TASP1: variants seen among roughly 807,000 people sequenced by gnomAD.
The protein encoded by TASP1 is threonine aspartase 1.
TASP1 carries 16 observed loss-of-function variants against 56.6 expected under a neutral mutation model. The observed-to-expected ratio is 0.28, with a 90% confidence interval of 0.19 to 0.43. The LOEUF is 0.43. Among genes scored for constraint, TASP1 ranks in the 20% least tolerant of loss-of-function variants. TASP1 has a pLI of 1.00. For synonymous variants in TASP1, 179 were observed against 184.2 expected (o/e 0.97, Z 0.23); for missense variants, 393 against 511.6 (o/e 0.77, Z 2.24).
intron 10 of TASP1, among the ~76,000 whole-genome samples, chr20:13,519,274 T>C (rs979617643): frequency 6.6e-6 from 1 of 152,068 alleles, no homozygotes; most frequent in Admixed American, 6.6e-5. Flanking sequence ...ACAACCTCAG[T>C]ATCATGCGAT....
chr20:13,153,710 A>G, the TASP1 span, among the ~76,000 whole-genome samples: 1 of 152,130 alleles, frequency 6.6e-6, no homozygotes, highest in South Asian at 2.1e-4. Context: ...CAGAGTCTAT[A>G]CAAAATAGAT....
the TASP1 span, among the ~76,000 whole-genome samples, chr20:13,341,467 C>T: frequency 9.2e-5 from 14 of 152,144 alleles, no homozygotes; most frequent in African/African-American, 3.1e-4. Context: ...CCCTCTTTTC[C>T]GTAACATGAG....
intron 5 of TASP1, among the ~76,000 whole-genome samples, chr20:13,586,832 T>C (rs149544323): frequency 6.6e-6 from 1 of 151,260 alleles, no homozygotes; most frequent in African/African-American, 2.5e-5. Flanking sequence ...AAAATAAAAC[T>C]GTGTTTCTGT....
intron 11 of TASP1, among the ~76,000 whole-genome samples, chr20:13,438,019 C>A (rs1438391189): frequency 6.6e-6 from 1 of 151,888 alleles, no homozygotes; most frequent in Non-Finnish European, 1.5e-5. Flanking sequence ...CTTTAAAGTT[C>A]ATATGGAACC....
chr20:13,271,040 A>T, the TASP1 span, among the ~76,000 whole-genome samples: 1 of 152,264 alleles, frequency 6.6e-6, no homozygotes. Flanking sequence ...GAAATATAAA[A>T]GCAAAACAAA....
chr20:13,352,829 C>T, the TASP1 span, among the ~76,000 whole-genome samples: 4 of 152,362 alleles, frequency 2.6e-5, no homozygotes, highest in South Asian at 4.1e-4. Context: ...CATCTCACCA[C>T]TCTCTATATC....
the TASP1 span, chr20:13,279,537 A>G: frequency 1.9e-5 from 23 of 1,231,648 alleles, no homozygotes; most frequent in Non-Finnish European, 2.5e-5. Context: ...GGATGCATCC[A>G]TCATTTCCCT....
At chr20:13,596,519 C>A (rs1201619190) in intron 4 of TASP1, among the ~76,000 whole-genome samples, 2 of 152,120 alleles carry the variant, frequency 1.3e-5, no homozygotes, top group Non-Finnish European at 2.9e-5. Context: ...ATCTCTGGGA[C>A]ACATTTAAAG....
chr20:13,463,304 G>A (rs2044126149), intron 11 of TASP1, among the ~76,000 whole-genome samples: 1 of 152,092 alleles, frequency 6.6e-6, no homozygotes, highest in Admixed American at 6.6e-5. Flanking sequence ...AGGAAAAGTG[G>A]ATATCCACAT....
chr20:13,178,862 C>T, the TASP1 span, among the ~76,000 whole-genome samples: 1 of 151,866 alleles, frequency 6.6e-6, no homozygotes, highest in East Asian at 1.9e-4. Context: ...GTGTTCTATA[C>T]CACTGTAGGA....
At chr20:13,262,713 A>G in the TASP1 span, among the ~76,000 whole-genome samples, 1 of 152,184 alleles carries the variant, frequency 6.6e-6, no homozygotes, top group African/African-American at 2.4e-5. Context: ...AGTATTCAAG[A>G]CACACCAGTG....
rs374787489 is a variant in TASP1, at chr20:13,604,930, A to G, written c.283-17560T>C. 1.9e-4 allele frequency among the ~76,000 whole-genome samples: 29 copies of G among 151,486 alleles called. No homozygotes were observed. The South Asian group carries it at 5.8e-3, about 30-fold the overall frequency. ...TCTATTCCTAAGAATTTTATCTGTG[A>G]GAAATGAAAGCATATGTTCACATAA... On this transcript the variant is annotated intron_variant, in intron 4 of 13. Transcript: ENST00000337743.
the TASP1 span, among the ~76,000 whole-genome samples, chr20:13,363,980 C>T: frequency 6.6e-6 from 1 of 151,894 alleles, no homozygotes; most frequent in African/African-American, 2.4e-5. Context: ...CCAATTTCTT[C>T]CTATGAGGAG....
chr20:13,134,476 G>T, the TASP1 span, among the ~76,000 whole-genome samples: 1 of 152,224 alleles, frequency 6.6e-6, no homozygotes, highest in East Asian at 1.9e-4. Context: ...GATGATGGGA[G>T]TGCCAGACAG....
At chr20:13,519,981 GACAA>G (rs923103035) in intron 10 of TASP1, among the ~76,000 whole-genome samples, 10 of 152,070 alleles carry the variant, frequency 6.6e-5, no homozygotes, top group Non-Finnish European at 1.5e-4. Flanking sequence ...ACCAATAACA[GACAA>G]ACAGAGAGCC....
the TASP1 span, among the ~76,000 whole-genome samples, chr20:13,195,567 G>A: frequency 6.6e-6 from 1 of 152,072 alleles, no homozygotes; most frequent in Non-Finnish European, 1.5e-5. Context: ...TAAACTCTGG[G>A]TGCCCACTAC....
chr20:13,349,192 G>C, the TASP1 span, among the ~76,000 whole-genome samples: 1 of 152,156 alleles, frequency 6.6e-6, no homozygotes, highest in Admixed American at 6.5e-5. Context: ...CTGTCTCACA[G>C]CTGGGACTGA....
chr20:13,198,843 T>TTCC, the TASP1 span, among the ~76,000 whole-genome samples: 3 of 116,960 alleles, frequency 2.6e-5, no homozygotes, highest in Admixed American at 1.7e-4. Flanking sequence ...TCTTTCTTTC[T>TTCC]TTCTTTCTTT....
chr20:13,269,134 C>T, the TASP1 span, among the ~76,000 whole-genome samples: 1 of 152,130 alleles, frequency 6.6e-6, no homozygotes, highest in African/African-American at 2.4e-5. Context: ...CTGAAATATA[C>T]ACTCCCAAAC....
Sources: allele counts gnomAD v4.1 joint callset (sites outside exome capture counted in the v4.1 genomes callset), GRCh38; gene constraint gnomAD v4.1.1; transcripts MANE v1.5; gene names NCBI Gene and HGNC (gene_info 2026-07-23, HGNC 2026-07-21).